The following FAT1 variants were observed in gnomAD, a reference collection of about 807,000 sequenced individuals.
The protein encoded by FAT1 is FAT atypical cadherin 1, also known as protocadherin Fat 1.
FAT1 carries 171 observed loss-of-function variants against 329.8 expected under a neutral mutation model. That is an observed-to-expected ratio of 0.52 (90% confidence interval 0.46 to 0.59). The LOEUF (loss-of-function observed/expected upper bound fraction) is 0.59, where lower values mean the gene tolerates loss of function less well. FAT1 is among the 20% of genes least tolerant of loss of function. The pLI, the probability that FAT1 is intolerant of heterozygous loss-of-function variation, is 0.00. For missense variants in FAT1, 5,672 were observed against 5,774.4 expected (o/e 0.98, Z 0.57); for synonymous variants, 2,233 against 2,228.6 (o/e 1.00, Z -0.06).
At chr4:186,634,350 T>G (rs1321637552) in intron 6 of FAT1, among the ~76,000 whole-genome samples, 3 of 152,186 alleles carry the variant, frequency 2.0e-5, no homozygotes, top group Non-Finnish European at 2.9e-5. Flanking sequence ...ACACAAAGCC[T>G]AATGAAACAA....
chr4:186,656,169 T>A (rs1386272557), intron 3 of FAT1, among the ~76,000 whole-genome samples: 1 of 152,220 alleles, frequency 6.6e-6, no homozygotes, highest in Non-Finnish European at 1.5e-5. Context: ...TCAAAGGCTC[T>A]GGGGCATAGC....
At chr4:186,702,743 G>A (rs958923872) in intron 2 of FAT1, among the ~76,000 whole-genome samples, 1 of 152,152 alleles carries the variant, frequency 6.6e-6, no homozygotes, top group Non-Finnish European at 1.5e-5. Flanking sequence ...CCACAAGAGG[G>A]ATGCTCCAGA....
In FAT1 at chr4:186,619,693, A is replaced by G; in HGVS notation, c.6893T>C (p.Ile2298Thr). 1.9e-6 allele frequency: 3 copies of G among 1,614,010 alleles called. No individual in the cohort carries two copies. Among genetic ancestry groups the G allele is most frequent in the Non-Finnish European group, 2.5e-6 (3 of 1,179,900 alleles). The change falls in exon 10 of 27, where the codon ATT becomes ACT. Residue 2298 changes from isoleucine (I) to threonine (T), a missense_variant. Coordinates refer to ENST00000441802, the MANE Select transcript of FAT1 (RefSeq NM_005245.4). ...YAVTLSEASV[I>T]GTSVVQVRAT... ...TCTAACTTGAACAACAGACGTTCCA[A>G]TTACAGATGCCTCAGACAGGGTCAC...
rs759365845 is a variant in FAT1, at chr4:186,708,207, A to T, written c.1621T>A (p.Ser541Thr). The T allele has an allele frequency of 6.2e-7, 1 of 1,613,890 alleles. No homozygotes were observed. The highest frequency in any genetic ancestry group is 1.3e-5 in the African/African-American group (1 of 74,922). The change falls in exon 2 of 27, where the codon TCA (serine) becomes ACA (threonine). Residue 541 changes from serine to threonine, a missense_variant. Ser to Thr is a moderately conservative substitution (Grantham distance 58). Coordinates refer to ENST00000441802, the MANE Select transcript of FAT1 (RefSeq NM_005245.4). The part of the protein sequence containing the change: ...PRVYTLRIRA[S>T]DWGLPYRREV... ...CGGCGGTACGGCAAGCCCCAGTCTG[A>T]TGCACGAATCCTCAGAGTATAAACC... is the stretch of plus-strand genomic sequence containing the variant.
In FAT1 at chr4:186,662,947, C is replaced by T. The variant is rs576308500; in HGVS notation, c.3580+352G>A. Among the ~76,000 whole-genome samples the T allele has an allele frequency of 3.3e-5, 5 of 152,242 alleles. No individual in the cohort carries two copies. The South Asian group carries it at 8.3e-4, about 25-fold the overall frequency. The stretch of plus-strand genomic sequence containing the variant: ...CGCCCCCCGGGTTCACGCCATTCTC[C>T]TGCCTCAGCCTCTGGAGTAGCTGGG... On this transcript the variant is annotated intron_variant, in intron 3 of 26. Coordinates refer to ENST00000441802, the MANE Select transcript of FAT1 (RefSeq NM_005245.4).
intron 11 of FAT1, among the ~76,000 whole-genome samples, chr4:186,616,578 G>A (rs1015402418): frequency 6.6e-6 from 1 of 151,974 alleles, no homozygotes; most frequent in African/African-American, 2.4e-5. Flanking sequence ...ATGGTGAGCC[G>A]CGCAGATGCA....
At chr4:186,643,894 G>A (rs1289023494) in intron 3 of FAT1, among the ~76,000 whole-genome samples, 1 of 149,120 alleles carries the variant, frequency 6.7e-6, no homozygotes, top group Non-Finnish European at 1.5e-5. Flanking sequence ...GGTAGTAAGT[G>A]TCCTAGTAAG....
chr4:186,711,375 A>G (rs1744943505), intron 1 of FAT1, among the ~76,000 whole-genome samples: 1 of 152,160 alleles, frequency 6.6e-6, no homozygotes, highest in Non-Finnish European at 1.5e-5. Context: ...TAGGAGAACA[A>G]TTATCATTTA....
chr4:186,691,803 C>G (rs1743774808), intron 2 of FAT1, among the ~76,000 whole-genome samples: 2 of 151,746 alleles, frequency 1.3e-5, no homozygotes, highest in Non-Finnish European at 2.9e-5. Flanking sequence ...GATCCCATCT[C>G]TAAATAAAAA....
intron 6 of FAT1, among the ~76,000 whole-genome samples, chr4:186,635,798 A>G (rs749493660): frequency 2.0e-5 from 3 of 152,236 alleles, no homozygotes; most frequent in Non-Finnish European, 4.4e-5. Flanking sequence ...TTTTATTTTT[A>G]TATCAATAAC....
chr4:186,708,024 C>T lies in FAT1; in HGVS notation c.1804G>A (p.Val602Ile), dbSNP rs2126693215. Residue 602 changes from valine (V) to isoleucine (I), a missense_variant, in exon 2 of 27, where the codon GTA (valine) becomes ATA (isoleucine). By Grantham distance (29) the Val-to-Ile change is conservative. Coordinates refer to ENST00000441802, the MANE Select transcript of FAT1 (RefSeq NM_005245.4). ...TTTCCAGCTTCAATCTGATACTGTA[C>T]CAACTGAAGTTCATCTGCATCAATA... ...SAIDADELQL[V>I]QYQIEAGNEL... 3 of 1,613,928 alleles carry T rather than the reference C, an allele frequency of 1.9e-6. No individual in the cohort carries two copies. The highest frequency in any genetic ancestry group is 1.1e-5 in the South Asian group (1 of 91,078).
intron 26 of FAT1, chr4:186,592,700 G>C: frequency 2.2e-6 from 1 of 456,672 alleles, no homozygotes; most frequent in Middle Eastern, 3.3e-4. Context: ...TACCTTCTGT[G>C]CTCACCGTGT....
At chr4:186,724,672 G>GCGTCCCGGGCGCGGAGCC (rs1745651277), upstream of FAT1, among the ~76,000 whole-genome samples, 1 of 152,214 alleles carries the variant, frequency 6.6e-6, no homozygotes, top group Admixed American at 6.5e-5. The surrounding 1 kb of genome is among the most constrained non-coding windows in gnomAD (Gnocchi z 5.3). Flanking sequence ...CCCAGCCTGA[G>GCGTCCCGGGCGCGGAGCC]CGTCCCGGGC....
In FAT1 at chr4:186,648,170, TGGAGGGAAGAGAGGAGAGA is replaced by T. The variant is rs1057141584; in HGVS notation, c.3581-8406_3581-8388del. ...ACTCCTGGGAAATGGAACAGGTAGC[TGGAGGGAAGAGAGGAGAGA>T]GGAGGGAAGAGAGGAGACAGGAGAA... On this transcript the variant is annotated intron_variant, in intron 3 of 26. Coordinates refer to ENST00000441802, the MANE Select transcript of FAT1 (RefSeq NM_005245.4). 5.9e-5 allele frequency among the ~76,000 whole-genome samples: 9 copies of T among 152,220 alleles called. No homozygotes were observed. The South Asian group carries it at 1.9e-3, about 32-fold the overall frequency.
chr4:186,647,170 A>C (rs1382212798), intron 3 of FAT1, among the ~76,000 whole-genome samples: 2 of 152,204 alleles, frequency 1.3e-5, no homozygotes, highest in African/African-American at 2.4e-5. Flanking sequence ...TTATTTAAGG[A>C]AACAACTACC....
chr4:186,647,208 A>C (rs1220849904), intron 3 of FAT1, among the ~76,000 whole-genome samples: 2 of 152,144 alleles, frequency 1.3e-5, no homozygotes, highest in African/African-American at 4.8e-5. Flanking sequence ...GTGAATATTA[A>C]ACTGTCCTCT....
intron 2 of FAT1, among the ~76,000 whole-genome samples, chr4:186,697,182 A>G (rs1744077634): frequency 6.6e-6 from 1 of 152,210 alleles, no homozygotes; most frequent in South Asian, 2.1e-4. Flanking sequence ...TGGCAAAACT[A>G]AAGACCAAAG....
At position 186,603,034 on chromosome 4, in the gene FAT1, T is replaced by A. The variant is rs1352017135; in HGVS notation, c.11351A>T (p.Glu3784Val). The change falls in exon 20 of 27, where the codon GAG (glutamate) becomes GTG (valine). Residue 3784 changes from glutamate to valine, a missense_variant and splice_region_variant. By Grantham distance (121) the Glu-to-Val change is moderately radical (BLOSUM62 -2). Around this residue, in one of 2 missense-constraint regions of FAT1, gnomAD observed 1,706 missense variants for 1,859.1 expected, o/e 0.92. Transcript: ENST00000441802. ...HHRAAVCLCK[E>V]GRCPPVHHGC... ...ATGGTGGACAGGTGGGCACCTTCCC[T>A]CTTCATTCAAAGAGGGGAGAAAGGG... The A allele has an allele frequency of 6.2e-7, 1 of 1,613,802 alleles. No individual in the cohort carries two copies.
At chr4:186,676,532 T>C (rs916504704) in intron 2 of FAT1, among the ~76,000 whole-genome samples, 10 of 152,228 alleles carry the variant, frequency 6.6e-5, no homozygotes, top group African/African-American at 2.2e-4. Context: ...CAGGTTTTCA[T>C]AGGCTGAATA....
Sources: gnomAD v4.1 joint callset for allele counts (sites outside exome capture counted in the v4.1 genomes callset) on GRCh38, gnomAD v4.1.1 for gene constraint, gnomAD v4.1.1 regional missense constraint, Gnocchi (gnomAD v3.1) non-coding constraint, MANE v1.5 for transcripts, NCBI Gene and HGNC (gene_info 2026-07-23, HGNC 2026-07-21) for gene names.